FAT3: variants seen among roughly 807,000 people sequenced by gnomAD.
FAT3 encodes the protein protocadherin Fat 3.
In FAT3, 95 loss-of-function variants were observed where a neutral mutation model predicts 310.2. That is an observed-to-expected ratio of 0.31 (90% CI 0.26 to 0.36). The LOEUF is 0.36. FAT3 is among the 10% of genes least tolerant of loss of function. The pLI, the probability that FAT3 is intolerant of heterozygous loss-of-function variation, is 1.00. For missense variants in FAT3, 5,408 were observed against 5,715.6 expected (o/e 0.95, Z 1.74); for synonymous variants, 2,314 against 2,192.9 (o/e 1.06, Z -1.54).
chr11:92,512,112 A>G (rs572284559), intron 2 of FAT3, among the ~76,000 whole-genome samples: 1 of 152,266 alleles, frequency 6.6e-6, no homozygotes, highest in East Asian at 1.9e-4. Flanking sequence ...TAGCTGGGCA[A>G]TTCACTTAAA....
intron 3 of FAT3, among the ~76,000 whole-genome samples, chr11:92,595,563 A>T (rs1422500523): frequency 6.6e-6 from 1 of 152,112 alleles, no homozygotes; most frequent in Non-Finnish European, 1.5e-5. Flanking sequence ...TCTTTCTTTG[A>T]TTGGTCTATG....
rs545644580 is a variant in FAT3, at chr11:92,309,923, A to G, written c.-17-42173A>G. On this transcript the variant is annotated intron_variant, in intron 1 of 27. Transcript: ENST00000525166. Reference sequence around the variant, plus strand: ...GCTCTTGAGGGAAGATTGGAATGAGAGTTAGTGCTCGACTTCTGTAGCTTC... The same window carrying G: ...GCTCTTGAGGGAAGATTGGAATGAGGGTTAGTGCTCGACTTCTGTAGCTTC... 1.8e-4 allele frequency among the ~76,000 whole-genome samples: 27 copies of G among 150,160 alleles called. 1 individual carries two copies. The South Asian group carries it at 5.2e-3, about 29-fold the overall frequency.
intron 1 of FAT3, among the ~76,000 whole-genome samples, chr11:92,284,618 C>G (rs1946513839): frequency 1.3e-5 from 2 of 152,118 alleles, no homozygotes; most frequent in African/African-American, 4.8e-5. Context: ...ATTCATTTGT[C>G]AACCTTAGGG....
At chr11:92,657,845 T>C (rs1205666455) in intron 3 of FAT3, among the ~76,000 whole-genome samples, 1 of 152,190 alleles carries the variant, frequency 6.6e-6, no homozygotes, top group African/African-American at 2.4e-5. Flanking sequence ...TTACAAAGGA[T>C]AGGATACTCC....
chr11:92,813,104 C>T lies in FAT3; in HGVS notation c.9481+3028C>T, dbSNP rs563274660. Among the ~76,000 whole-genome samples the T allele has an allele frequency of 1.2e-4, 18 of 152,200 alleles. 1 individual carries two copies. In the South Asian group the frequency reaches 3.7e-3, roughly 32 times the overall value. The stretch of plus-strand genomic sequence containing the variant: ...GCTGTGATTGTAAGTTTCCTGAGGC[C>T]TCTCTAGCCATGCAGAACTGTGAGT... On this transcript the variant is annotated intron_variant, in intron 13 of 27. Coordinates refer to ENST00000525166, the MANE Select transcript of FAT3 (RefSeq NM_001367949.2).
chr11:92,538,400 C>G (rs1954329996), intron 3 of FAT3, among the ~76,000 whole-genome samples: 1 of 152,104 alleles, frequency 6.6e-6, no homozygotes, highest in African/African-American at 2.4e-5. Flanking sequence ...CTCAGGTTCC[C>G]TATCAAGAAA....
intron 2 of FAT3, among the ~76,000 whole-genome samples, chr11:92,422,159 T>C (rs937680255): frequency 6.6e-6 from 1 of 152,186 alleles, no homozygotes; most frequent in Non-Finnish European, 1.5e-5. Flanking sequence ...CACAAGTCTT[T>C]GGAGTACATC....
intron 2 of FAT3, among the ~76,000 whole-genome samples, chr11:92,405,959 A>C (rs939421061): frequency 6.6e-6 from 1 of 152,140 alleles, no homozygotes; most frequent in African/African-American, 2.4e-5. Flanking sequence ...CTTTCCCCCA[A>C]CTTCCTAGTT....
intron 1 of FAT3, among the ~76,000 whole-genome samples, chr11:92,258,690 A>G (rs1403848751): frequency 6.6e-6 from 1 of 152,100 alleles, no homozygotes; most frequent in African/African-American, 2.4e-5. Context: ...AAATGTGAGC[A>G]TCTTAACATT....
chr11:92,728,362 G>A (rs942317549), intron 4 of FAT3, among the ~76,000 whole-genome samples: 4 of 152,142 alleles, frequency 2.6e-5, no homozygotes, highest in Non-Finnish European at 5.9e-5. Context: ...TGATTAAGAT[G>A]TATCTAAACA....
chr11:92,788,903 G>T (rs566479864), intron 7 of FAT3, among the ~76,000 whole-genome samples: 2 of 152,156 alleles, frequency 1.3e-5, no homozygotes, highest in South Asian at 4.2e-4. Context: ...GTTTGAAGGA[G>T]AACCTATAAA....
Position 92,800,846 on chromosome 11 carries a change from A to G in FAT3, c.7833A>G (p.Ala2611=), listed in dbSNP as rs1435540927. 6 of 1,613,668 alleles carry G rather than the reference A, an allele frequency of 3.7e-6. No homozygotes were observed. Among genetic ancestry groups the G allele is most frequent in the Non-Finnish European group, 4.2e-6 (5 of 1,179,810 alleles). Residue 2611 remains alanine, a synonymous_variant, in exon 10 of 28, where the codon GCA becomes GCG. Transcript: ENST00000525166. ...MTVEYRASVR[A]DVGRGHLVTQ... is the part of the protein sequence containing the mutation. The stretch of plus-strand genomic sequence containing the variant: ...TGGAATATAGAGCCAGTGTCAGGGC[A>G]GATGTTGGAAGGGGCCACTTGGTCA...
chr11:92,403,772 C>T (rs1393477055), intron 2 of FAT3, among the ~76,000 whole-genome samples: 2 of 152,050 alleles, frequency 1.3e-5, no homozygotes, highest in African/African-American at 2.4e-5. Flanking sequence ...TGCAGTGGTT[C>T]GCACCTGTAA....
intron 4 of FAT3, among the ~76,000 whole-genome samples, chr11:92,715,181 G>A (rs1591640530): frequency 1.3e-5 from 2 of 151,560 alleles, no homozygotes; most frequent in South Asian, 2.1e-4. Context: ...CGAGGTAGGC[G>A]GATCATGAGG....
At position 92,844,015 on chromosome 11, in the gene FAT3, A is replaced by T; in HGVS notation, c.10648A>T (p.Thr3550Ser). Residue 3550 changes from threonine (T) to serine (S), a missense_variant, in exon 19 of 28, where the codon ACA (threonine) becomes TCA (serine). This residue lies in a region of FAT3 where 4,588 missense variants were observed against 4,809.8 expected (regional missense o/e 0.95). Transcript: ENST00000525166. ...RVIEESTHKP[T>S]AIPLEIFIVT... The stretch of plus-strand genomic sequence containing the variant: ...CATTGAGGAAAGCACCCACAAGCCC[A>T]CAGCCATTCCCCTGGAAATTTTCAT... 2 of 1,614,018 alleles carry T rather than the reference A, an allele frequency of 1.2e-6. No homozygotes were observed. Among genetic ancestry groups the T allele is most frequent in the Non-Finnish European group, 1.7e-6 (2 of 1,179,902 alleles).
intron 3 of FAT3, among the ~76,000 whole-genome samples, chr11:92,557,277 T>C (rs922620761): frequency 7.2e-5 from 11 of 152,224 alleles, no homozygotes; most frequent in East Asian, 3.9e-4. Flanking sequence ...CACCCTGTTA[T>C]AGGAGCCAGA....
intron 1 of FAT3, among the ~76,000 whole-genome samples, chr11:92,343,449 A>T (rs1365005050): frequency 6.6e-6 from 1 of 152,150 alleles, no homozygotes; most frequent in Non-Finnish European, 1.5e-5. Context: ...TTCCACAGAG[A>T]GGTGAAATAT....
At chr11:92,251,674 T>A (rs1865147912) in intron 1 of FAT3, among the ~76,000 whole-genome samples, 1 of 151,992 alleles carries the variant, frequency 6.6e-6, no homozygotes, top group Admixed American at 6.6e-5. Context: ...TTATATTTTT[T>A]AATTATGAAT....
chr11:92,685,870 T>G (rs1177451179), intron 3 of FAT3, among the ~76,000 whole-genome samples: 1 of 152,124 alleles, frequency 6.6e-6, no homozygotes, highest in Admixed American at 6.6e-5. Context: ...AGAGGGAAAA[T>G]ACAAGGCTTC....
Sources: gnomAD v4.1 joint callset for allele counts (sites outside exome capture counted in the v4.1 genomes callset) on GRCh38, gnomAD v4.1.1 for gene constraint, gnomAD v4.1.1 regional missense constraint, MANE v1.5 for transcripts, NCBI Gene and HGNC (gene_info 2026-07-23, HGNC 2026-07-21) for gene names.